Variants in CACNA2D1 observed in about 807,000 individuals in gnomAD.
The protein encoded by CACNA2D1 is calcium voltage-gated channel auxiliary subunit alpha2delta 1.
Under a neutral mutation model 171.5 loss-of-function variants are expected in CACNA2D1, and 53 were observed. The ratio of observed to expected loss-of-function variants is 0.31; its 90% confidence interval spans 0.25 to 0.39. CACNA2D1 has a LOEUF of 0.39. CACNA2D1 is among the 10% of genes least tolerant of loss of function. The pLI is 1.00. For synonymous variants in CACNA2D1, 442 were observed against 443.1 expected, an observed-to-expected ratio of 1.00 and a Z score of 0.03; for missense variants, 903 against 1,299.8, an observed-to-expected ratio of 0.69 and a Z score of 4.69.
chr7:82,338,670 C>T (rs1276572015), intron 2 of CACNA2D1, among the ~76,000 whole-genome samples: 3 of 152,164 alleles, frequency 2.0e-5, no homozygotes, highest in African/African-American at 7.2e-5. Flanking sequence ...CTGAATCACA[C>T]TTCATCATAA....
intron 3 of CACNA2D1, among the ~76,000 whole-genome samples, chr7:82,204,967 C>A (rs746501674): frequency 3.3e-5 from 5 of 152,156 alleles, no homozygotes; most frequent in Non-Finnish European, 7.3e-5. Context: ...AGGTGATCAC[C>A]CAAGTGAGCT....
intron 18 of CACNA2D1, among the ~76,000 whole-genome samples, chr7:82,004,529 C>A (rs1281895591): frequency 6.6e-6 from 1 of 151,642 alleles, no homozygotes; most frequent in Non-Finnish European, 1.5e-5. Flanking sequence ...GGATTTGAAC[C>A]ATATTTAAAT....
intron 19 of CACNA2D1, among the ~76,000 whole-genome samples, chr7:81,995,854 G>C (rs1230596806): frequency 6.7e-6 from 1 of 150,030 alleles, no homozygotes; most frequent in Non-Finnish European, 1.5e-5. Flanking sequence ...TATTCCAGTC[G>C]ACTGGCAATT....
chr7:82,258,833 T>TTTTTTC (rs1806682187), intron 3 of CACNA2D1, among the ~76,000 whole-genome samples: 1 of 132,892 alleles, frequency 7.5e-6, no homozygotes, highest in African/African-American at 2.9e-5. Context: ...TTTTTTTTTT[T>TTTTTTC]TTTTTTGAGA....
At chr7:82,245,835 C>T (rs1018546845) in intron 3 of CACNA2D1, among the ~76,000 whole-genome samples, 9 of 152,110 alleles carry the variant, frequency 5.9e-5, no homozygotes, top group Admixed American at 3.9e-4. Context: ...CACCTTCTGG[C>T]GTAACATAAA....
intron 3 of CACNA2D1, among the ~76,000 whole-genome samples, chr7:82,267,062 A>G (rs1434355122): frequency 1.3e-5 from 2 of 152,214 alleles, no homozygotes; most frequent in African/African-American, 2.4e-5. Context: ...GCACTTGCCT[A>G]GAAGTTTTCA....
At chr7:82,281,457 T>C (rs1277317492) in intron 3 of CACNA2D1, among the ~76,000 whole-genome samples, 2 of 152,206 alleles carry the variant, frequency 1.3e-5, no homozygotes, top group Non-Finnish European at 1.5e-5. Context: ...TGTGGACATA[T>C]AATTTTTTCA....
Position 82,181,434 on chromosome 7 carries a change from G to T in CACNA2D1, c.295-10825C>A, listed in dbSNP as rs1209010121. 3.9e-5 allele frequency among the ~76,000 whole-genome samples: 6 copies of T among 152,296 alleles called. No individual in the cohort carries two copies. In the East Asian group the frequency reaches 1.2e-3, roughly 29 times the overall value. ...TTCTCAAAGTGTGCCCAGACCCGCT[G>T]GGGCAGCATCACCTGCATCTTGTTA... On this transcript the variant is annotated intron_variant, in intron 3 of 38. Coordinates refer to ENST00000356860, the MANE Select transcript of CACNA2D1 (RefSeq NM_000722.4).
At position 81,962,008 on chromosome 7, in the gene CACNA2D1, T is replaced by C; in HGVS notation, c.2852A>G (p.Asp951Gly). Reference protein sequence around the residue: ...RLLEAVEMEDDDFTASLSKQS... With the variant: ...RLLEAVEMEDGDFTASLSKQS... ...CTTGGACAGGGAGGCCGTGAAGTCA[T>C]CATCCTCCATCTCAACTTGGGTGGC... Residue 951 changes from aspartate (D) to glycine (G), a missense_variant, in exon 36 of 39, where the codon GAT (aspartate) becomes GGT (glycine). Asp to Gly is a moderately conservative substitution (Grantham distance 94, BLOSUM62 -1). This residue lies in a region of CACNA2D1 where 623 missense variants were observed against 925.5 expected (regional missense o/e 0.67). Transcript: ENST00000356860. 2 of 1,612,412 alleles carry C rather than the reference T, an allele frequency of 1.2e-6. No individual in the cohort carries two copies. The highest frequency in any genetic ancestry group is 1.7e-6 in the Non-Finnish European group (2 of 1,179,028).
chr7:82,085,045 G>C lies in CACNA2D1; in HGVS notation c.527-145C>G, dbSNP rs140943942. Reference sequence around the variant, plus strand: ...ATCCAGTAGTTATCAACAAGTTTTCGACACTTTAGAGGACAGTTTGACTGG... The same window carrying C: ...ATCCAGTAGTTATCAACAAGTTTTCCACACTTTAGAGGACAGTTTGACTGG... On this transcript the variant is annotated intron_variant, in intron 6 of 38. Coordinates refer to ENST00000356860, the MANE Select transcript of CACNA2D1 (RefSeq NM_000722.4). The C allele has an allele frequency of 8.7e-4, 633 of 730,800 alleles. 1 individual carries two copies. The highest frequency in any genetic ancestry group is 2.8e-3 in the Admixed American group (124 of 44,166). 45.3% of individuals were successfully genotyped at this position (730,800 alleles called of 1,614,324 possible).
At chr7:81,995,755 C>T (rs183389094) in intron 19 of CACNA2D1, among the ~76,000 whole-genome samples, 2,400 of 146,774 alleles carry the variant, frequency 0.016, 68 homozygotes, top group African/African-American at 0.059. Context: ...GCTGAGATTG[C>T]GCCACTGCAC....
chr7:81,962,322 G>C, intron 35 of CACNA2D1, 118 bp downstream of exon 35: 1 of 808,388 alleles, frequency 1.2e-6, no homozygotes, highest in Admixed American at 2.3e-5. Context: ...AAAATTATGA[G>C]ATGGGTGACC....
intron 3 of CACNA2D1, among the ~76,000 whole-genome samples, chr7:82,232,370 T>G (rs973619376): frequency 2.0e-5 from 3 of 152,128 alleles, no homozygotes; most frequent in African/African-American, 7.2e-5. Flanking sequence ...CTTTTTGTAC[T>G]GCTGGCAAGT....
chr7:82,209,610 C>T (rs538573954), intron 3 of CACNA2D1, among the ~76,000 whole-genome samples: 1 of 152,216 alleles, frequency 6.6e-6, no homozygotes, highest in East Asian at 1.9e-4. Context: ...TTGTTCCCAA[C>T]AGTTATAAGA....
chr7:81,984,597 T>C (rs779177577), intron 22 of CACNA2D1, 38 bp downstream of exon 22: 1 of 1,130,590 alleles, frequency 8.8e-7, no homozygotes. Flanking sequence ...TACTAGGAGA[T>C]AACAAATGGA....
At chr7:82,003,797 T>A (rs1013649083) in intron 18 of CACNA2D1, among the ~76,000 whole-genome samples, 1 of 149,686 alleles carries the variant, frequency 6.7e-6, no homozygotes, top group Non-Finnish European at 1.5e-5. Flanking sequence ...CAGGCTGGAG[T>A]GCAATGGCGT....
chr7:82,324,240 C>G (rs1476930763), intron 3 of CACNA2D1, among the ~76,000 whole-genome samples: 2 of 151,754 alleles, frequency 1.3e-5, no homozygotes, highest in African/African-American at 4.8e-5. Context: ...TGCCTGTAAT[C>G]CCAGCTACTC....
Position 81,949,652 on chromosome 7 carries a change from G to T in CACNA2D1, c.*740C>A, listed in dbSNP as rs575070539. 1 of 152,056 alleles carries T rather than the reference G, an allele frequency of 6.6e-6. No individual in the cohort carries two copies. The highest frequency in any genetic ancestry group is 2.4e-5 in the African/African-American group (1 of 41,360). 9.4% of individuals were successfully genotyped at this position (152,056 alleles called of 1,614,324 possible). A position where few individuals can be genotyped will look rare whatever the true frequency, so the allele number is the denominator to read the frequency against. ...CATTACATCAAAGCATTTATTAAGG[G>T]CTTGCTTACATTTATGAGGAAATAT... On this transcript the variant is annotated 3_prime_UTR_variant, in exon 39 of 39. Transcript: ENST00000356860.
chr7:82,360,378 A>G (rs1272281324), intron 1 of CACNA2D1, among the ~76,000 whole-genome samples: 2 of 152,208 alleles, frequency 1.3e-5, no homozygotes, highest in African/African-American at 4.8e-5. Context: ...CAGTGGAAAT[A>G]CATGCATATT....
Sources: allele counts gnomAD v4.1 joint callset (sites outside exome capture counted in the v4.1 genomes callset), GRCh38; gene constraint gnomAD v4.1.1; regional missense constraint gnomAD v4.1.1; transcripts MANE v1.5; gene names NCBI Gene and HGNC (gene_info 2026-07-23, HGNC 2026-07-21).